Variants in SPACA3 observed in about 807,000 individuals in gnomAD.
SPACA3 encodes sperm acrosome associated 3.
In SPACA3, 21 loss-of-function variants were observed where a neutral mutation model predicts 24.5. The ratio of observed to expected loss-of-function variants is 0.86; its 90% CI spans 0.61 to 1.24. The LOEUF (loss-of-function observed/expected upper bound fraction) is 1.24. SPACA3 is among the 50% of genes most tolerant of loss of function. The probability of loss-of-function intolerance (pLI) is 0.00; values close to 1 mark genes in which losing one functional copy is unlikely to be tolerated. For missense variants in SPACA3, 278 were observed against 275.5 expected, an observed-to-expected ratio of 1.01 and a Z score of -0.06; for synonymous variants, 115 against 106.9, an observed-to-expected ratio of 1.08 and a Z score of -0.47.
At chr17:32,992,004 T>C in intron 1 of SPACA3, 32 bp downstream of exon 1, 1 of 1,612,218 alleles carries the variant, frequency 6.2e-7, no homozygotes. Context: ...CCTGGGGCTG[T>C]TAACAGGGGC....
rs773265437 is a variant in SPACA3 at position 32,995,697 on chromosome 17, G to A, written c.323G>A (p.Arg108Gln). Residue 108 changes from arginine (R) to glutamine (Q), a missense_variant, in exon 2 of 5, where the codon CGG (arginine) becomes CAG (glutamine). Coordinates refer to ENST00000269053, the MANE Select transcript of SPACA3 (RefSeq NM_173847.5). ...CATGACTTCGGGCTGGACGGATACC[G>A]GGGATACAGCCTGGCTGACTGTGAG... Reference protein sequence around the residue: ...VLHDFGLDGYRGYSLADWVCL... With the variant: ...VLHDFGLDGYQGYSLADWVCL... 14 of 1,613,476 alleles carry A rather than the reference G, an allele frequency of 8.7e-6. No homozygotes were observed. Among genetic ancestry groups the A allele is most frequent in the East Asian group, 2.2e-5 (1 of 44,890 alleles).
intron 1 of SPACA3, among the ~76,000 whole-genome samples, chr17:32,994,612 T>C (rs1327478351): frequency 6.6e-6 from 1 of 151,768 alleles, no homozygotes; most frequent in East Asian, 1.9e-4. Context: ...TTGTCAGAGG[T>C]GGTGGGCAGT....
chr17:32,993,505 G>C (rs377255276), intron 1 of SPACA3, among the ~76,000 whole-genome samples: 32 of 152,296 alleles, frequency 2.1e-4, no homozygotes, highest in Middle Eastern at 3.4e-3. Context: ...CTGGGAGAAG[G>C]GAGCATCGTG....
rs753420766 is a variant in SPACA3, at chr17:32,996,907, G to A, written c.408G>A (p.Gly136=). 3.7e-6 allele frequency: 6 copies of A among 1,610,518 alleles called. No homozygotes were observed. The highest frequency in any genetic ancestry group is 4.2e-6 in the Non-Finnish European group (5 of 1,178,520). The change falls in exon 3 of 5, where the codon GGG becomes GGA. Residue 136 remains glycine (G), a synonymous_variant. Coordinates refer to ENST00000269053, the MANE Select transcript of SPACA3 (RefSeq NM_173847.5). ...NAAALDYEAD[G]STNNGIFQIN... ...CTGCTTTGGACTACGAGGCTGATGG[G>A]AGCACCAACAACGGGATCTTCCAGA...
chr17:32,996,895 C>T lies in SPACA3; in HGVS notation c.396C>T (p.Tyr132=), dbSNP rs146926616. Residue 132 remains tyrosine, a synonymous_variant, in exon 3 of 5, where the codon TAC becomes TAT. Transcript: ENST00000269053. Reference sequence around the variant, plus strand: ...GTTTCAACGCAGCTGCTTTGGACTACGAGGCTGATGGGAGCACCAACAACG... The same window carrying T: ...GTTTCAACGCAGCTGCTTTGGACTATGAGGCTGATGGGAGCACCAACAACG... The part of the protein sequence containing the change: ...TSGFNAAALD[Y]EADGSTNNGI... 28 of 1,610,108 alleles carry T rather than the reference C, an allele frequency of 1.7e-5. No homozygotes were observed. Among genetic ancestry groups the T allele is most frequent in the African/African-American group, 6.7e-5 (5 of 74,754 alleles).
chr17:32,992,029 G>A, intron 1 of SPACA3, 57 bp downstream of exon 1: 1 of 1,596,106 alleles, frequency 6.3e-7, no homozygotes, highest in Non-Finnish European at 8.5e-7. Context: ...GGTTGGTCTG[G>A]CCAGAGACCA....
Position 32,995,574 on chromosome 17 carries a change from C to T in SPACA3, c.200C>T (p.Ala67Val). 12 of 1,614,200 alleles carry T rather than the reference C, an allele frequency of 7.4e-6. No homozygotes were observed. The highest frequency in any genetic ancestry group is 9.3e-6 in the Non-Finnish European group (11 of 1,180,026). ...GCTCTCAGAAGGCGGTGGTGCCCAG[C>T]TGGGATCATGTTGTTGGCCCTGGTC... ...SRALRRRWCP[A>V]GIMLLALVCL... Residue 67 changes from alanine to valine, a missense_variant, in exon 2 of 5, where the codon GCT (alanine) becomes GTT (valine). Transcript: ENST00000269053.
chr17:32,993,082 T>C, intron 1 of SPACA3: 1 of 383,818 alleles, frequency 2.6e-6, no homozygotes, highest in Non-Finnish European at 5.3e-6. Context: ...TGGTTGGAAC[T>C]GGGTGAAAGA....
In SPACA3 at chr17:32,997,420, T is replaced by A. The variant is rs142182053; in HGVS notation, c.503-25T>A. On this transcript the variant is annotated intron_variant, in intron 3 of 4. Coordinates refer to ENST00000269053, the MANE Select transcript of SPACA3 (RefSeq NM_173847.5). ...ACCTGGATGTCTCCTGTTCTCTCATTGTGTTTCTCTGCCTATCACCCCAGA... is the reference window on the plus strand; with the variant it reads ...ACCTGGATGTCTCCTGTTCTCTCATAGTGTTTCTCTGCCTATCACCCCAGA... 8.4e-4 allele frequency: 1,341 copies of A among 1,603,584 alleles called. 8 individuals carry two copies. In the African/African-American group the frequency reaches 0.016, roughly 19 times the overall value.
intron 1 of SPACA3, among the ~76,000 whole-genome samples, chr17:32,993,956 CAAT>C (rs1217981536): frequency 1.3e-5 from 2 of 151,986 alleles, no homozygotes; most frequent in Non-Finnish European, 2.9e-5. Flanking sequence ...CGTACCCAAA[CAAT>C]GACGGGGTGG....
chr17:32,996,340 T>C (rs1279713076), intron 2 of SPACA3, among the ~76,000 whole-genome samples: 1 of 151,930 alleles, frequency 6.6e-6, no homozygotes, highest in Non-Finnish European at 1.5e-5. Flanking sequence ...AATACAAAAA[T>C]TAGCTGGGCA....
chr17:32,997,077 C>A lies in SPACA3; in HGVS notation c.502+76C>A, dbSNP rs547457407. ...TTTGTTCCATTCCCAGTTTAGTTTGCTACCCCCATCTCTGAGTGAGGGTTC... is the reference window on the plus strand; with the variant it reads ...TTTGTTCCATTCCCAGTTTAGTTTGATACCCCCATCTCTGAGTGAGGGTTC... On this transcript the variant is annotated intron_variant, in intron 3 of 4. Coordinates refer to ENST00000269053, the MANE Select transcript of SPACA3 (RefSeq NM_173847.5). 2.8e-6 allele frequency: 4 copies of A among 1,450,346 alleles called. No homozygotes were observed. The East Asian group carries it at 9.7e-5, about 35-fold the overall frequency. The allele number at this position is 1,450,346 out of a possible 1,614,324, so 89.8% of individuals were successfully genotyped here.
Position 32,995,718 on chromosome 17 carries a change from G to C in SPACA3, c.343+1G>C. 1 of 1,609,992 alleles carries C rather than the reference G, an allele frequency of 6.2e-7. No individual in the cohort carries two copies. The highest frequency in any genetic ancestry group is 1.3e-5 in the African/African-American group (1 of 74,982). On this transcript the variant is annotated splice_donor_variant, in intron 2 of 4. Transcript: ENST00000269053. LOFTEE classifies it high-confidence loss of function. ...TACCGGGGATACAGCCTGGCTGACT[G>C]TGAGAACCCCTCTCCCTGGCGGGCC...
chr17:32,995,126 G>A (rs1181111893), intron 1 of SPACA3, among the ~76,000 whole-genome samples: 3 of 152,228 alleles, frequency 2.0e-5, no homozygotes, highest in African/African-American at 7.2e-5. Flanking sequence ...CATCTGCTCA[G>A]TGGGGCTTTG....
intron 1 of SPACA3, among the ~76,000 whole-genome samples, chr17:32,993,512 C>T (rs988426924): frequency 1.3e-5 from 2 of 152,086 alleles, no homozygotes; most frequent in South Asian, 2.1e-4. Context: ...AAGGGAGCAT[C>T]GTGGAAACCA....
chr17:32,994,842 A>G (rs999944943), intron 1 of SPACA3, among the ~76,000 whole-genome samples: 1 of 152,228 alleles, frequency 6.6e-6, no homozygotes, highest in African/African-American at 2.4e-5. Flanking sequence ...AGGTCAAACC[A>G]GACGGGCAGG....
chr17:32,996,651 C>G (rs1222071179), intron 2 of SPACA3, among the ~76,000 whole-genome samples, 192 bp from the exon 3 acceptor site: 1 of 152,058 alleles, frequency 6.6e-6, no homozygotes, highest in Non-Finnish European at 1.5e-5. Context: ...TGGATGGGAC[C>G]CTGGGTGAGT....
chr17:32,996,367 T>C (rs1362271373), intron 2 of SPACA3, among the ~76,000 whole-genome samples: 1 of 151,558 alleles, frequency 6.6e-6, no homozygotes, highest in East Asian at 1.9e-4. Flanking sequence ...CAGCTACCTA[T>C]AATCCCAGCT....
Position 32,997,505 on chromosome 17 carries a change from C to T in SPACA3, c.563C>T (p.Pro188Leu), listed in dbSNP as rs35014584. 1,161 of 1,614,010 alleles carry T rather than the reference C, an allele frequency of 7.2e-4. 4 individuals carry two copies. In the African/African-American group the frequency reaches 0.012, roughly 17 times the overall value. ...TGTGCCATGAAGATAACCCAAGAGC[C>T]TCAGGGTCTGGGTTACTGGTAAGTA... ...VICAMKITQE[P>L]QGLGYWEAWR... The change falls in exon 4 of 5, where the codon CCT (proline) becomes CTT (leucine). Residue 188 changes from proline (P) to leucine (L), a missense_variant. Coordinates refer to ENST00000269053, the MANE Select transcript of SPACA3 (RefSeq NM_173847.5).
Sources: gnomAD v4.1 joint callset for allele counts (sites outside exome capture counted in the v4.1 genomes callset) on GRCh38, gnomAD v4.1.1 for gene constraint, MANE v1.5 for transcripts, NCBI Gene and HGNC (gene_info 2026-07-23, HGNC 2026-07-21) for gene names.